Variants in LPO observed in about 807,000 individuals in gnomAD.
LPO encodes salivary peroxidase.
LPO carries 70 observed loss-of-function variants against 68.4 expected under a neutral mutation model. The ratio of observed to expected loss-of-function variants is 1.02; its 90% confidence interval spans 0.84 to 1.25. LPO has a LOEUF of 1.25. Ranked by LOEUF, LPO falls within the 50% of genes most tolerant of loss-of-function variation. The pLI is 0.00. For synonymous variants in LPO, 360 were observed against 357.6 expected, an observed-to-expected ratio of 1.01 and a Z score of -0.08; for missense variants, 873 against 908.4, an observed-to-expected ratio of 0.96 and a Z score of 0.50.
chr17:58,257,549 G>C (rs1018587705), intron 9 of LPO, among the ~76,000 whole-genome samples: 1 of 152,144 alleles, frequency 6.6e-6, no homozygotes, highest in Admixed American at 6.5e-5. Context: ...TCTGTTGATG[G>C]ACACAAGTTG....
chr17:58,243,059 A>C lies in LPO; in HGVS notation c.76+4A>C, dbSNP rs762836623. ...GCTGCAGCATCTACCACAAGAGGTG[A>C]GTGTCTCCCTTTACGGGTTTTCTGG... is the stretch of plus-strand genomic sequence containing the variant. On this transcript the variant is annotated splice_donor_region_variant and intron_variant, in intron 2 of 12. Transcript: ENST00000262290. 4 of 1,613,722 alleles carry C rather than the reference A, an allele frequency of 2.5e-6. No individual in the cohort carries two copies. Among genetic ancestry groups the C allele is most frequent in the Non-Finnish European group, 3.4e-6 (4 of 1,179,916 alleles).
Position 58,266,177 on chromosome 17 carries a change from G to A in LPO, c.1544G>A (p.Gly515Asp). ...GGTGGAATTGATCCTCTGGTGCGGG[G>A]CCTGCTGGCCAAGAAATCCAAGCTG... ...KDGGIDPLVR[G>D]LLAKKSKLMK... Residue 515 changes from glycine to aspartate, a missense_variant, in exon 11 of 13, where the codon GGC becomes GAC. Coordinates refer to ENST00000262290, the MANE Select transcript of LPO (RefSeq NM_006151.3). The A allele has an allele frequency of 6.2e-7, 1 of 1,614,082 alleles. No individual in the cohort carries two copies. The highest frequency in any genetic ancestry group is 8.5e-7 in the Non-Finnish European group (1 of 1,180,004).
Position 58,254,840 on chromosome 17 carries a change from C to T in LPO, c.1135C>T (p.Leu379=). ...GDSRASEHIL[L]ATSHTLFLRE... is the part of the protein sequence containing the mutation. ...TTCTCGAGCCTCAGAGCATATTCTGCTGGCCACATCCCACACCCTCTTTCT... is the reference window on the plus strand; with the variant it reads ...TTCTCGAGCCTCAGAGCATATTCTGTTGGCCACATCCCACACCCTCTTTCT... The change falls in exon 9 of 13, where the codon CTG becomes TTG. Residue 379 remains leucine, a synonymous_variant. Transcript: ENST00000262290. The T allele has an allele frequency of 1.2e-6, 2 of 1,614,110 alleles. No individual in the cohort carries two copies. Among genetic ancestry groups the T allele is most frequent in the East Asian group, 2.2e-5 (1 of 44,872 alleles).
In LPO at chr17:58,253,593, T is replaced by C. The variant is rs542998290; in HGVS notation, c.1105+1087T>C. 1.1e-4 allele frequency among the ~76,000 whole-genome samples: 17 copies of C among 152,330 alleles called. No individual in the cohort carries two copies. The East Asian group carries it at 3.3e-3, about 29-fold the overall frequency. On this transcript the variant is annotated intron_variant, in intron 8 of 12. Transcript: ENST00000262290. ...TTCCAGGTGCCCTCCTGGTCCTCTC[T>C]GTCTCCGGCTTCTAGAGGCCATCCC... is the stretch of plus-strand genomic sequence containing the variant.
intron 4 of LPO, among the ~76,000 whole-genome samples, chr17:58,248,055 T>C (rs527437086): frequency 6.6e-6 from 1 of 152,292 alleles, no homozygotes; most frequent in South Asian, 2.1e-4. Context: ...TGGGATAATG[T>C]CACAGGAGCT....
intron 7 of LPO, 86 bp downstream of exon 7, chr17:58,250,707 T>G: frequency 7.4e-5 from 97 of 1,315,610 alleles, no homozygotes; most frequent in Non-Finnish European, 9.0e-5. Context: ...CTAGGATCTC[T>G]GGATAGATCT....
At chr17:58,249,249 T>C in intron 5 of LPO, 72 bp downstream of exon 5, 1 of 1,388,488 alleles carries the variant, frequency 7.2e-7, no homozygotes, top group East Asian at 2.3e-5. Context: ...CCTTTGTCCC[T>C]TGGGCACTCT....
chr17:58,241,899 C>A (rs867466110), intron 1 of LPO, among the ~76,000 whole-genome samples: 1 of 152,126 alleles, frequency 6.6e-6, no homozygotes, highest in African/African-American at 2.4e-5. Flanking sequence ...GCAAGACATA[C>A]GGGGAAGTCT....
chr17:58,260,044 A>T (rs1454603977), intron 9 of LPO, among the ~76,000 whole-genome samples: 1 of 151,402 alleles, frequency 6.6e-6, no homozygotes, highest in East Asian at 1.9e-4. Flanking sequence ...CAATCTCTTG[A>T]CCTCGTGATC....
In LPO at chr17:58,251,434, C is replaced by G. The variant is rs1405814748; in HGVS notation, c.781-748C>G. 2.0e-4 allele frequency: 35 copies of G among 175,800 alleles called. 1 individual carries two copies. Among genetic ancestry groups the G allele is most frequent in the Non-Finnish European group, 8.6e-5 (7 of 81,384 alleles). The allele number at this position is 175,800 out of a possible 1,614,324, so 10.9% of individuals were successfully genotyped here. On this transcript the variant is annotated intron_variant, in intron 7 of 12. Coordinates refer to ENST00000262290, the MANE Select transcript of LPO (RefSeq NM_006151.3). ...TGTACATCATCGTGGAGGATGACTT[C>G]AACTCCACTCAGAAGGACTTGAAAC... is the stretch of plus-strand genomic sequence containing the variant.
chr17:58,249,960 A>T (rs1304605780), intron 6 of LPO, among the ~76,000 whole-genome samples: 5 of 151,954 alleles, frequency 3.3e-5, no homozygotes, highest in Non-Finnish European at 5.9e-5. Context: ...TCCCGCTCGC[A>T]CTTACCCCAG....
At chr17:58,245,277 C>T (rs1969832778) in intron 3 of LPO, among the ~76,000 whole-genome samples, 1 of 152,118 alleles carries the variant, frequency 6.6e-6, no homozygotes, top group African/African-American at 2.4e-5. Context: ...TGGGTTTCTG[C>T]TCCTTGGGGG....
In LPO at chr17:58,244,116, C is replaced by CACAA. The variant is rs763581988; in HGVS notation, c.164+38_164+39insAACA. On this transcript the variant is annotated intron_variant, in intron 3 of 12. Transcript: ENST00000262290. ...ACACACACACACACACACACACACACACACACACACACACACTTCCCTTCA... is the reference window on the plus strand; with the variant it reads ...ACACACACACACACACACACACACACACAAACACACACACACACACTTCCCTTCA... 22 of 1,372,366 alleles carry CACAA rather than the reference C, an allele frequency of 1.6e-5. No homozygotes were observed. In the East Asian group the frequency reaches 1.6e-4, roughly 10 times the overall value. 85.0% of individuals were successfully genotyped at this position (1,372,366 alleles called of 1,614,324 possible).
chr17:58,243,359 C>A, intron 2 of LPO: 1 of 347,406 alleles, frequency 2.9e-6, no homozygotes, highest in South Asian at 3.7e-5. Context: ...ATAAAACCAC[C>A]ATTTATTGGA....
intron 9 of LPO, among the ~76,000 whole-genome samples, chr17:58,258,086 G>A (rs1216261977): frequency 1.3e-5 from 2 of 152,114 alleles, no homozygotes; most frequent in African/African-American, 2.4e-5. Context: ...CTCCCATTCC[G>A]TGGGTTATCT....
intron 9 of LPO, among the ~76,000 whole-genome samples, chr17:58,260,775 T>A (rs1258779612): frequency 2.0e-5 from 3 of 152,228 alleles, no homozygotes; most frequent in African/African-American, 7.2e-5. Context: ...TATTTAGTAC[T>A]ATAAATTTCC....
At position 58,267,913 on chromosome 17, in the gene LPO, C is replaced by G; in HGVS notation, c.2058C>G (p.Ala686=). The change falls in exon 13 of 13, where the codon GCC becomes GCG. Residue 686 remains alanine, a synonymous_variant. Transcript: ENST00000262290. ...ITKVPRDPFW[A]NSYPYDFVDC... ...AGGTCCCACGGGACCCATTCTGGGC[C>G]AACAGCTACCCCTATGACTTCGTGG... is the stretch of plus-strand genomic sequence containing the variant. 6.2e-7 allele frequency: 1 copy of G among 1,614,192 alleles called. No individual in the cohort carries two copies. Among genetic ancestry groups the G allele is most frequent in the Non-Finnish European group, 8.5e-7 (1 of 1,180,028 alleles).
chr17:58,252,227 C>G lies in LPO; in HGVS notation c.826C>G (p.Pro276Ala), dbSNP rs1969971570. The change falls in exon 8 of 13, where the codon CCT becomes GCT. Residue 276 changes from proline (P) to alanine (A), a missense_variant. Coordinates refer to ENST00000262290, the MANE Select transcript of LPO (RefSeq NM_006151.3). ...PKAGTQGKCM[P>A]FFRAGFVCPT... ...GGCGGGGACTCAAGGGAAATGCATG[C>G]CTTTCTTCCGAGCTGGGTTCGTCTG... 6.2e-7 allele frequency: 1 copy of G among 1,614,182 alleles called. No homozygotes were observed. Among genetic ancestry groups the G allele is most frequent in the African/African-American group, 1.3e-5 (1 of 75,028 alleles).
Position 58,266,345 on chromosome 17 carries a change from G to T in LPO, c.1693+19G>T. ...CAACCTGGTGAGTGTCTGAAGTCTG[G>T]CCTGCACTGGGGAAATTTTAGCTAA... On this transcript the variant is annotated intron_variant, in intron 11 of 12. Transcript: ENST00000262290. The T allele has an allele frequency of 6.2e-7, 1 of 1,610,754 alleles. No individual in the cohort carries two copies. Among genetic ancestry groups the T allele is most frequent in the Non-Finnish European group, 8.5e-7 (1 of 1,178,416 alleles).
Sources: gnomAD v4.1 joint callset for allele counts (sites outside exome capture counted in the v4.1 genomes callset) on GRCh38, gnomAD v4.1.1 for gene constraint, MANE v1.5 for transcripts, NCBI Gene and HGNC (gene_info 2026-07-23, HGNC 2026-07-21) for gene names.